COL1A2: variants seen among roughly 807,000 people sequenced by gnomAD.
COL1A2 encodes the protein collagen type I alpha 2 chain, also known as collagen alpha-2(I) chain.
In COL1A2, 49 loss-of-function variants were observed where a neutral mutation model predicts 174.3. The ratio of observed to expected loss-of-function variants is 0.28; its 90% CI spans 0.22 to 0.36. The LOEUF is 0.36. COL1A2 is among the 10% of genes least tolerant of loss of function. The pLI is 1.00. For synonymous variants in COL1A2, 655 were observed against 606.6 expected, an observed-to-expected ratio of 1.08 and a Z score of -1.17; for missense variants, 1,438 against 1,822.7, an observed-to-expected ratio of 0.79 and a Z score of 3.84.
chr7:94,397,785 T>A (rs1202852836), intron 2 of COL1A2, 27 bp downstream of exon 2: 4 of 1,267,050 alleles, frequency 3.2e-6, no homozygotes, highest in African/African-American at 1.5e-5. Flanking sequence ...TTAGAATTTT[T>A]AAAAATACTT....
intron 30 of COL1A2, among the ~76,000 whole-genome samples, chr7:94,415,901 C>CAT (rs200577322): frequency 2.6e-4 from 39 of 151,316 alleles, no homozygotes; most frequent in East Asian, 1.2e-3. Context: ...GATAGACAGA[C>CAT]ATATATATAT....
In COL1A2 at chr7:94,427,699, G is replaced by A; in HGVS notation, c.3340G>A (p.Gly1114Arg). The change falls in exon 49 of 52, where the codon GGA becomes AGA. Residue 1114 changes from glycine (G) to arginine (R), a missense_variant. Around this residue, in one of 3 missense-constraint regions of COL1A2, gnomAD observed 867 missense variants for 1,213.7 expected, o/e 0.71. Transcript: ENST00000297268. Reference sequence around the variant, plus strand: ...TGGTGGTTATGACTTTGGTTACGATGGAGACTTCTACAGGGCTGACCAGCC... The same window carrying A: ...TGGTGGTTATGACTTTGGTTACGATAGAGACTTCTACAGGGCTGACCAGCC... ...SGGGYDFGYD[G>R]DFYRADQPRS... is the part of the protein sequence containing the mutation. 6.2e-7 allele frequency: 1 copy of A among 1,614,136 alleles called. No homozygotes were observed. Among genetic ancestry groups the A allele is most frequent in the Non-Finnish European group, 8.5e-7 (1 of 1,180,028 alleles).
intron 18 of COL1A2, 49 bp from the exon 19 acceptor site, chr7:94,409,674 C>A: frequency 6.2e-7 from 1 of 1,613,418 alleles, no homozygotes; most frequent in Non-Finnish European, 8.5e-7. Context: ...TGTGCTGCCT[C>A]TACAGCCCAT....
chr7:94,416,580 T>C lies in COL1A2; in HGVS notation c.1863+77T>C, dbSNP rs536700256. ...AAGTAGACCCTTTACAATAGAAAGA[T>C]AATTGTTTTTCAGATTTTTATTTAT... On this transcript the variant is annotated intron_variant, in intron 31 of 51. Coordinates refer to ENST00000297268, the MANE Select transcript of COL1A2 (RefSeq NM_000089.4). The C allele has an allele frequency of 2.7e-6, 3 of 1,119,208 alleles. No homozygotes were observed. The South Asian group carries it at 4.0e-5, about 15-fold the overall frequency. The allele number at this position is 1,119,208 out of a possible 1,614,324, so 69.3% of individuals were successfully genotyped here.
At chr7:94,425,413 CT>C (rs1792252469) in intron 42 of COL1A2, 189 bp downstream of exon 42, 1 of 811,174 alleles carries the variant, frequency 1.2e-6, no homozygotes, top group East Asian at 2.7e-5. Flanking sequence ...CAATAGCACA[CT>C]GCAAAACTGG....
At chr7:94,421,205 G>C (rs546069034) in intron 38 of COL1A2, 143 bp downstream of exon 38, 3 of 805,410 alleles carry the variant, frequency 3.7e-6, no homozygotes, top group Admixed American at 4.2e-5. Context: ...GAGCAATTCC[G>C]ATATTGATGT....
At chr7:94,405,015 T>C in intron 9 of COL1A2, 123 bp downstream of exon 9, 3 of 1,176,074 alleles carry the variant, frequency 2.6e-6, no homozygotes, top group Admixed American at 2.0e-5. Flanking sequence ...ACTCTTAATG[T>C]ATGGGAAATA....
intron 39 of COL1A2, 152 bp downstream of exon 39, chr7:94,422,104 G>A: frequency 1.7e-6 from 1 of 572,164 alleles, no homozygotes; most frequent in Non-Finnish European, 3.1e-6. Context: ...AACCATTAAG[G>A]TATTTCATCA....
At chr7:94,406,852 A>G (rs1335110275) in intron 12 of COL1A2, among the ~76,000 whole-genome samples, 2 of 152,154 alleles carry the variant, frequency 1.3e-5, no homozygotes, top group Non-Finnish European at 2.9e-5. Context: ...TCTCTTTCCT[A>G]TTAAGGAGAT....
intron 26 of COL1A2, 82 bp downstream of exon 26, chr7:94,413,218 A>AT: frequency 1.5e-6 from 2 of 1,357,848 alleles, no homozygotes; most frequent in South Asian, 2.3e-5. Flanking sequence ...ATCTGATATC[A>AT]TTTTGTCACT....
chr7:94,425,133 T>C lies in COL1A2; in HGVS notation c.2690T>C (p.Leu897Pro). Residue 897 changes from leucine to proline, a missense_variant, in exon 42 of 52, where the codon CTT becomes CCT. Around this residue, in one of 3 missense-constraint regions of COL1A2, gnomAD observed 867 missense variants for 1,213.7 expected, o/e 0.71. Coordinates refer to ENST00000297268, the MANE Select transcript of COL1A2 (RefSeq NM_000089.4). ...VAGAVGEPGP[L>P]GIAGPPGARG... Reference sequence around the variant, plus strand: ...CCTGTTTAGGGTGAACCTGGTCCTCTTGGCATTGCCGGCCCTCCTGGGGCC... The same window carrying C: ...CCTGTTTAGGGTGAACCTGGTCCTCCTGGCATTGCCGGCCCTCCTGGGGCC... 6.2e-7 allele frequency: 1 copy of C among 1,614,110 alleles called. No individual in the cohort carries two copies. The highest frequency in any genetic ancestry group is 8.5e-7 in the Non-Finnish European group (1 of 1,179,976).
At chr7:94,395,991 A>G (rs1791575205) in intron 1 of COL1A2, among the ~76,000 whole-genome samples, 1 of 152,110 alleles carries the variant, frequency 6.6e-6, no homozygotes, top group African/African-American at 2.4e-5. Context: ...GACTCAAGAG[A>G]CCGGGGTTTT....
intron 6 of COL1A2, 21 bp from the exon 7 acceptor site, chr7:94,404,535 A>G (rs368288675): frequency 1.5e-4 from 239 of 1,612,416 alleles, no homozygotes; most frequent in Middle Eastern, 2.1e-4. Context: ...CTAACTGTTG[A>G]TATATCTGCT....
At position 94,427,295 on chromosome 7, in the gene COL1A2, T is replaced by C. The variant is rs778300914; in HGVS notation, c.3267T>C (p.Ala1089=). The C allele has an allele frequency of 1.9e-6, 3 of 1,608,138 alleles. No homozygotes were observed. The highest frequency in any genetic ancestry group is 2.2e-5 in the South Asian group (2 of 90,272). The change falls in exon 48 of 52, where the codon GCT becomes GCC. Residue 1089 remains alanine (A), a splice_region_variant and synonymous_variant. Coordinates refer to ENST00000297268, the MANE Select transcript of COL1A2 (RefSeq NM_000089.4). ...IRGPQGHQGP[A]GPPGPPGPPG... ...GCCCTCAGGGTCACCAAGGCCCTGCTGTAAGTATGATTTGGGGAAATAATA... is the reference window on the plus strand; with the variant it reads ...GCCCTCAGGGTCACCAAGGCCCTGCCGTAAGTATGATTTGGGGAAATAATA...
At chr7:94,412,725 G>A (rs1222894792) in intron 25 of COL1A2, 43 bp downstream of exon 25, 3 of 1,561,834 alleles carry the variant, frequency 1.9e-6, no homozygotes, top group East Asian at 4.5e-5. Flanking sequence ...ACTTTCTGTA[G>A]CCAAATTTTA....
At position 94,428,460 on chromosome 7, in the gene COL1A2, A is replaced by G. The variant is rs772013191; in HGVS notation, c.3694A>G (p.Ile1232Val). ...DKKHVWLGETINAGSQFEYNV... is the reference protein window; with the variant it reads ...DKKHVWLGETVNAGSQFEYNV... ...GAAACACGTCTGGCTAGGAGAAACT[A>G]TCAATGCTGGCAGCCAGGTGAGGAA... The change falls in exon 50 of 52, where the codon ATC (isoleucine) becomes GTC (valine). Residue 1232 changes from isoleucine to valine, a missense_variant. Ile to Val is a conservative substitution (Grantham distance 29, BLOSUM62 3). Coordinates refer to ENST00000297268, the MANE Select transcript of COL1A2 (RefSeq NM_000089.4). 1.9e-6 allele frequency: 3 copies of G among 1,614,004 alleles called. No homozygotes were observed. In the South Asian group the frequency reaches 3.3e-5, roughly 18 times the overall value.
chr7:94,408,399 G>A lies in COL1A2; in HGVS notation c.738+19G>A. ...TCCTGCTGTAAGTTTTGACACTGGG[G>A]AGTTTGAAAGGAGTTGAGAATGTGG... On this transcript the variant is annotated intron_variant, in intron 15 of 51. Coordinates refer to ENST00000297268, the MANE Select transcript of COL1A2 (RefSeq NM_000089.4). 6.2e-7 allele frequency: 1 copy of A among 1,613,982 alleles called. No individual in the cohort carries two copies. The highest frequency in any genetic ancestry group is 1.3e-5 in the African/African-American group (1 of 75,032).
intron 48 of COL1A2, 94 bp downstream of exon 48, chr7:94,427,389 G>A (rs75610664): frequency 2.8e-5 from 35 of 1,254,470 alleles, no homozygotes; most frequent in Non-Finnish European, 3.5e-5. Flanking sequence ...ACCCATTAAA[G>A]TTAGCCCCAT....
chr7:94,425,435 T>C (rs1792252832), intron 42 of COL1A2, 175 bp from the exon 43 acceptor site: 2 of 853,648 alleles, frequency 2.3e-6, no homozygotes, highest in African/African-American at 3.4e-5. Context: ...GCCCAAGTAT[T>C]TAAAACATCT....
Sources: allele counts gnomAD v4.1 joint callset (sites outside exome capture counted in the v4.1 genomes callset), GRCh38; gene constraint gnomAD v4.1.1; regional missense constraint gnomAD v4.1.1; transcripts MANE v1.5; gene names NCBI Gene and HGNC (gene_info 2026-07-23, HGNC 2026-07-21).